The following NPSR1 variants were observed in gnomAD, a reference collection of about 807,000 sequenced individuals.
The protein encoded by NPSR1 is neuropeptide S receptor.
In NPSR1, 48 loss-of-function variants were observed where a neutral mutation model predicts 46.9. The ratio of observed to expected loss-of-function variants is 1.02; its 90% CI spans 0.81 to 1.30. The LOEUF (loss-of-function observed/expected upper bound fraction) is 1.30. NPSR1 is among the 50% of genes most tolerant of loss of function. The pLI is 0.00. For missense variants in NPSR1, 450 were observed against 449.5 expected (o/e 1.00, Z -0.01); for synonymous variants, 176 against 168.1 (o/e 1.05, Z -0.36).
intron 1 of NPSR1, among the ~76,000 whole-genome samples, chr7:34,669,696 A>G (rs1441785900): frequency 1.3e-5 from 2 of 152,186 alleles, no homozygotes; most frequent in East Asian, 3.8e-4. Context: ...ACTTCAGAAA[A>G]CACTCTGTTA....
chr7:34,787,149 C>T (rs982933370), intron 3 of NPSR1, among the ~76,000 whole-genome samples: 4 of 152,160 alleles, frequency 2.6e-5, no homozygotes, highest in African/African-American at 9.6e-5. Context: ...TAGCCACCTT[C>T]ATCAGTTATC....
Position 34,771,294 on chromosome 7 carries a change from T to C in NPSR1, c.281-7168T>C, listed in dbSNP as rs144911713. Among the ~76,000 whole-genome samples the C allele has an allele frequency of 3.8e-3, 577 of 152,104 alleles. 2 individuals are homozygous for C. The highest frequency in any genetic ancestry group is 0.013 in the African/African-American group (547 of 41,478). On this transcript the variant is annotated intron_variant, in intron 2 of 8. Coordinates refer to ENST00000360581, the MANE Select transcript of NPSR1 (RefSeq NM_207172.2). ...TATGAAAATTTTTAAAAAGTAAAAG[T>C]TAGCTAGGTGTGGTGTCACGTACTG...
intron 6 of NPSR1, among the ~76,000 whole-genome samples, chr7:34,843,949 T>G (rs1303257463): frequency 6.6e-6 from 1 of 152,192 alleles, no homozygotes; most frequent in African/African-American, 2.4e-5. Flanking sequence ...GCTGGCATTC[T>G]CTTCATATTT....
At chr7:34,755,719 A>T (rs1785797062) in intron 2 of NPSR1, among the ~76,000 whole-genome samples, 1 of 152,144 alleles carries the variant, frequency 6.6e-6, no homozygotes, top group Non-Finnish European at 1.5e-5. Context: ...AAATGTCCTA[A>T]AAACACCTTT....
At chr7:34,795,030 C>A (rs901242499) in intron 3 of NPSR1, among the ~76,000 whole-genome samples, 1 of 151,912 alleles carries the variant, frequency 6.6e-6, no homozygotes, top group Non-Finnish European at 1.5e-5. Flanking sequence ...CAGAGTGAGA[C>A]CCTATCTCTT....
chr7:34,845,827 A>G (rs1321203977), intron 7 of NPSR1, among the ~76,000 whole-genome samples: 4 of 152,226 alleles, frequency 2.6e-5, no homozygotes, highest in African/African-American at 9.6e-5. Context: ...GAATGAATGA[A>G]TGAATGAAAC....
intron 8 of NPSR1, 66 bp from the exon 9 acceptor site, chr7:34,849,499 C>G (rs1790866713): frequency 6.2e-7 from 1 of 1,602,932 alleles, no homozygotes; most frequent in Admixed American, 1.7e-5. Flanking sequence ...TGTCTCTTAA[C>G]ATGTCTACTT....
intron 7 of NPSR1, chr7:34,845,630 C>T (rs1203955766): frequency 2.2e-6 from 1 of 454,886 alleles, no homozygotes; most frequent in Non-Finnish European, 4.4e-6. Context: ...CTTTACTCTG[C>T]CTTATTTTTC....
intron 2 of NPSR1, among the ~76,000 whole-genome samples, chr7:34,733,111 G>A (rs1784503412): frequency 6.6e-6 from 1 of 152,144 alleles, no homozygotes; most frequent in Non-Finnish European, 1.5e-5. Flanking sequence ...AGTGTTAACA[G>A]GTCACTGACT....
chr7:34,776,350 A>G (rs947464455), intron 2 of NPSR1, among the ~76,000 whole-genome samples: 2 of 152,096 alleles, frequency 1.3e-5, no homozygotes, highest in African/African-American at 2.4e-5. Flanking sequence ...TTTAGCTCTA[A>G]CAATATTTAA....
intron 1 of NPSR1, among the ~76,000 whole-genome samples, chr7:34,674,520 G>A (rs1792215987): frequency 6.6e-6 from 1 of 152,188 alleles, no homozygotes; most frequent in Non-Finnish European, 1.5e-5. Flanking sequence ...AAGTCTCAGG[G>A]ACAGGGCAGT....
chr7:34,781,219 C>T (rs1391808458), intron 3 of NPSR1, among the ~76,000 whole-genome samples: 1 of 152,140 alleles, frequency 6.6e-6, no homozygotes, highest in Non-Finnish European at 1.5e-5. Flanking sequence ...TTCACACAGA[C>T]TTCCTCTGCA....
At chr7:34,852,813 G>A (rs549036573), downstream of NPSR1, among the ~76,000 whole-genome samples, 6 of 152,198 alleles carry the variant, frequency 3.9e-5, no homozygotes, top group South Asian at 6.2e-4. Flanking sequence ...AAAAGTCTAC[G>A]GTTACATTAT....
chr7:34,725,351 T>G (rs1784090505), intron 2 of NPSR1, among the ~76,000 whole-genome samples: 3 of 152,208 alleles, frequency 2.0e-5, no homozygotes, highest in African/African-American at 7.2e-5. Flanking sequence ...CTATGTCCCA[T>G]CAACTGTCCC....
chr7:34,701,473 T>C (rs1179408289), intron 2 of NPSR1, among the ~76,000 whole-genome samples: 4 of 152,218 alleles, frequency 2.6e-5, no homozygotes, highest in Non-Finnish European at 2.9e-5. Context: ...CCCCATCCCC[T>C]GTTAACACAG....
At chr7:34,675,259 T>C (rs887843904) in intron 1 of NPSR1, among the ~76,000 whole-genome samples, 8 of 152,226 alleles carry the variant, frequency 5.3e-5, no homozygotes, top group African/African-American at 1.9e-4. Flanking sequence ...CATTACAAAC[T>C]CAGTAAGCCA....
At chr7:34,761,519 C>T (rs1056010129) in intron 2 of NPSR1, among the ~76,000 whole-genome samples, 5 of 152,020 alleles carry the variant, frequency 3.3e-5, no homozygotes, top group Admixed American at 6.6e-5. Context: ...TATGTACAAG[C>T]GTGTACCTGA....
chr7:34,701,880 C>T (rs576599848), intron 2 of NPSR1, among the ~76,000 whole-genome samples: 1 of 152,292 alleles, frequency 6.6e-6, no homozygotes, highest in African/African-American at 2.4e-5. Flanking sequence ...TTGAGTGATT[C>T]TTTGAAGAAC....
intron 3 of NPSR1, among the ~76,000 whole-genome samples, chr7:34,792,827 T>C (rs1439410576): frequency 1.4e-5 from 2 of 146,746 alleles, no homozygotes; most frequent in East Asian, 4.0e-4. Flanking sequence ...AAGGCTGCAG[T>C]GAGCCATGAC....
Sources: gnomAD v4.1 joint callset for allele counts (sites outside exome capture counted in the v4.1 genomes callset) on GRCh38, gnomAD v4.1.1 for gene constraint, MANE v1.5 for transcripts, NCBI Gene and HGNC (gene_info 2026-07-23, HGNC 2026-07-21) for gene names.